Variants in C12orf54 observed in about 807,000 individuals in gnomAD.
C12orf54 encodes the protein chromosome 12 open reading frame 54.
C12orf54 carries 24 observed loss-of-function variants against 26.4 expected under a neutral mutation model. That is an observed-to-expected ratio of 0.91 (90% CI 0.66 to 1.28). The LOEUF is 1.28. Among genes scored for constraint, C12orf54 ranks in the 50% most tolerant of loss-of-function variants. The probability of loss-of-function intolerance (pLI) is 0.00; values close to 1 mark genes in which losing one functional copy is unlikely to be tolerated. For synonymous variants in C12orf54, 54 were observed against 47.0 expected (o/e 1.15, Z -0.61); for missense variants, 154 against 150.9 (o/e 1.02, Z -0.11).
chr12:48,443,981 C>T, the C12orf54 span, among the ~76,000 whole-genome samples: 2 of 152,164 alleles, frequency 1.3e-5, no homozygotes, highest in Non-Finnish European at 2.9e-5. Flanking sequence ...CATTTCTTAC[C>T]CAGTTTAACA....
the C12orf54 span, chr12:48,442,609 A>C: frequency 6.1e-6 from 1 of 163,654 alleles, no homozygotes; most frequent in Admixed American, 6.5e-5. Context: ...CCATCACAGC[A>C]AGCAGGGAGG....
At chr12:48,431,863 A>G in the C12orf54 span, among the ~76,000 whole-genome samples, 1 of 152,270 alleles carries the variant, frequency 6.6e-6, no homozygotes, top group Admixed American at 6.5e-5. Context: ...TTCTTTGGGG[A>G]TGACAAAATG....
the C12orf54 span, among the ~76,000 whole-genome samples, chr12:48,414,833 G>A: frequency 1.3e-5 from 2 of 152,244 alleles, no homozygotes; most frequent in Admixed American, 1.3e-4. Flanking sequence ...GCTAGCCAGG[G>A]ACCAGCGTGG....
the C12orf54 span, chr12:48,442,186 TA>T: frequency 5.5e-6 from 1 of 182,482 alleles, no homozygotes; most frequent in Non-Finnish European, 1.2e-5. Context: ...GATAGCGGAG[TA>T]ATCCGGAGCC....
At chr12:48,483,057 T>C (rs1954215770) in intron 1 of C12orf54, among the ~76,000 whole-genome samples, 183 bp from the exon 2 acceptor site, 1 of 152,134 alleles carries the variant, frequency 6.6e-6, no homozygotes, top group Non-Finnish European at 1.5e-5. Context: ...CATCTTTCCT[T>C]ATGCATATGT....
At chr12:48,416,862 CA>C in the C12orf54 span, among the ~76,000 whole-genome samples, 38 of 145,214 alleles carry the variant, frequency 2.6e-4, no homozygotes, top group South Asian at 5.7e-3. Context: ...ACTCCATCTC[CA>C]AAAAAAAAAG....
At chr12:48,456,177 T>A in the C12orf54 span, among the ~76,000 whole-genome samples, 1 of 152,188 alleles carries the variant, frequency 6.6e-6, no homozygotes, top group Non-Finnish European at 1.5e-5. Context: ...CAACAATTGT[T>A]TTCCAGGCAC....
chr12:48,476,180 C>T, the C12orf54 span, among the ~76,000 whole-genome samples: 12 of 152,144 alleles, frequency 7.9e-5, no homozygotes, highest in African/African-American at 2.2e-4. Flanking sequence ...AAATCCTTTA[C>T]AGACAAGCAA....
the C12orf54 span, among the ~76,000 whole-genome samples, chr12:48,456,921 A>T: frequency 6.6e-6 from 1 of 152,154 alleles, no homozygotes; most frequent in Non-Finnish European, 1.5e-5. Context: ...AAAGCATATT[A>T]TCACCATTAT....
intron 2 of C12orf54, 106 bp downstream of exon 2, chr12:48,483,467 C>A: frequency 1.0e-6 from 1 of 1,001,902 alleles, no homozygotes; most frequent in Non-Finnish European, 1.5e-6. Flanking sequence ...GCTTCACTTG[C>A]TTCCTGGCTG....
Position 48,494,989 on chromosome 12 carries a change from C to T in C12orf54, c.*40+10C>T, listed in dbSNP as rs769854938. The T allele has an allele frequency of 2.5e-6, 4 of 1,581,016 alleles. No individual in the cohort carries two copies. Among genetic ancestry groups the T allele is most frequent in the East Asian group, 4.5e-5 (2 of 44,694 alleles). On this transcript the variant is annotated intron_variant, in intron 8 of 8. Transcript: ENST00000548364. ...TCTCTGCTTCCGCCAGGTGCTTTAC[C>T]CAAGCAGCCTTTCCCCTGAGCTCCA... is the stretch of plus-strand genomic sequence containing the variant.
chr12:48,471,681 T>C, the C12orf54 span, among the ~76,000 whole-genome samples: 176 of 152,362 alleles, frequency 1.2e-3, no homozygotes, highest in African/African-American at 3.7e-3. Flanking sequence ...CAGAAGTTTC[T>C]ATTCTGTTCC....
intron 6 of C12orf54, among the ~76,000 whole-genome samples, chr12:48,491,078 G>A (rs563544367): frequency 6.6e-6 from 1 of 152,296 alleles, no homozygotes; most frequent in East Asian, 1.9e-4. Context: ...CATAAGCACT[G>A]CAAGTCTCTC....
the C12orf54 span, among the ~76,000 whole-genome samples, chr12:48,460,105 C>T: frequency 6.6e-6 from 1 of 152,126 alleles, no homozygotes; most frequent in African/African-American, 2.4e-5. Flanking sequence ...CTTCCAGGAG[C>T]AATCCAAGAA....
the C12orf54 span, among the ~76,000 whole-genome samples, chr12:48,457,624 T>C: frequency 9.9e-5 from 15 of 152,154 alleles, no homozygotes; most frequent in Non-Finnish European, 1.2e-4. Context: ...CGGGCTTCTC[T>C]GCCAGGGAAA....
At chr12:48,469,646 T>C in the C12orf54 span, among the ~76,000 whole-genome samples, 1 of 152,186 alleles carries the variant, frequency 6.6e-6, no homozygotes, top group Non-Finnish European at 1.5e-5. Flanking sequence ...TAGGAAATTA[T>C]AAGAGTATTG....
At chr12:48,461,147 A>G in the C12orf54 span, among the ~76,000 whole-genome samples, 1 of 152,046 alleles carries the variant, frequency 6.6e-6, no homozygotes, top group Non-Finnish European at 1.5e-5. Context: ...GAGTAGATTC[A>G]GGAGCAAAGA....
At chr12:48,478,745 G>A (rs1235074916), upstream of C12orf54, among the ~76,000 whole-genome samples, 3 of 152,148 alleles carry the variant, frequency 2.0e-5, no homozygotes, top group African/African-American at 4.8e-5. Flanking sequence ...CATTTATGCA[G>A]CCAAAAAACA....
chr12:48,415,668 TGTTTTCCTTAGATGTTCTGGAAAAC>T, the C12orf54 span, among the ~76,000 whole-genome samples: 5 of 152,236 alleles, frequency 3.3e-5, no homozygotes, highest in African/African-American at 1.2e-4. Flanking sequence ...TTCCAGGATT[TGTTTTCCTTAGATGTTCTGGAAAAC>T]GTTTTCCTTA....
Sources: allele counts gnomAD v4.1 joint callset (sites outside exome capture counted in the v4.1 genomes callset), GRCh38; gene constraint gnomAD v4.1.1; transcripts MANE v1.5; gene names NCBI Gene and HGNC (gene_info 2026-07-23, HGNC 2026-07-21).